The following ANK2 variants were observed in gnomAD, a reference collection of about 807,000 sequenced individuals.
The protein encoded by ANK2 is ankyrin 2.
In ANK2, 83 loss-of-function variants were observed where a neutral mutation model predicts 360.5. The observed-to-expected ratio is 0.23, with a 90% CI of 0.19 to 0.28. The LOEUF is 0.28. ANK2 is among the 10% of genes least tolerant of loss of function. ANK2 has a pLI of 1.00. For missense variants in ANK2, 4,201 were observed against 4,795.7 expected (o/e 0.88, Z 3.66); for synonymous variants, 1,740 against 1,759.5 (o/e 0.99, Z 0.28).
chr4:113,214,078 C>T (rs1448949966), intron 4 of ANK2: 3 of 773,200 alleles, frequency 3.9e-6, no homozygotes, highest in Non-Finnish European at 4.3e-6. Flanking sequence ...CGTGGGGCAG[C>T]ACCCGCAGGT....
chr4:112,935,060 G>A (rs1164977465), intron 2 of ANK2, among the ~76,000 whole-genome samples: 1 of 151,938 alleles, frequency 6.6e-6, no homozygotes, highest in Non-Finnish European at 1.5e-5. Flanking sequence ...GAGCACCAAA[G>A]CATTCACTGT....
chr4:113,141,137 T>C (rs574687084), intron 1 of ANK2: 4 of 152,306 alleles, frequency 2.6e-5, no homozygotes, highest in South Asian at 2.1e-4. Flanking sequence ...TAGTTTACAA[T>C]TGTGACATGT....
At chr4:113,326,082 C>T (rs1355423976) in intron 26 of ANK2, among the ~76,000 whole-genome samples, 1 of 152,186 alleles carries the variant, frequency 6.6e-6, no homozygotes, top group Non-Finnish European at 1.5e-5. Flanking sequence ...TCTCGCGACT[C>T]ACACCTTCTA....
intron 1 of ANK2, among the ~76,000 whole-genome samples, chr4:113,167,730 T>A (rs1022898264): frequency 6.6e-6 from 1 of 152,200 alleles, no homozygotes; most frequent in Non-Finnish European, 1.5e-5. Context: ...AGAACTAGAA[T>A]GTAGAATTAG....
chr4:112,925,831 A>T (rs2092465154), intron 2 of ANK2, among the ~76,000 whole-genome samples: 1 of 152,188 alleles, frequency 6.6e-6, no homozygotes, highest in Non-Finnish European at 1.5e-5. Flanking sequence ...CCACAGTTGG[A>T]TGGAACCATG....
chr4:113,217,055 C>T (rs1367965036), intron 4 of ANK2: 1 of 152,138 alleles, frequency 6.6e-6, no homozygotes, highest in Non-Finnish European at 1.5e-5. Context: ...TGAAAACTTA[C>T]CTTCATTTAA....
At position 112,890,556 on chromosome 4, in the gene ANK2, G is replaced by GTTTTTTTT. The variant is rs754680934; in HGVS notation, c.-39-13878_-39-13871dup. ...GGAATTTATGATATACATTTCTGTG[G>GTTTTTTTT]TTTTTTTTTTTTTTTTTTTTTTTTT... On this transcript the variant is annotated intron_variant, in intron 1 of 30. Coordinates refer to the ANK2 transcript ENST00000503271. Among the ~76,000 whole-genome samples the GTTTTTTTT allele has an allele frequency of 1.9e-3, 126 of 67,470 alleles. 13 individuals carry two copies. The highest frequency in any genetic ancestry group is 2.9e-3 in the African/African-American group (41 of 13,950). The allele number at this position is 67,470 out of a possible 152,430, so 44.3% of individuals were successfully genotyped here. A position where few individuals can be genotyped will look rare whatever the true frequency, so the allele number is the denominator to read the frequency against.
At chr4:113,018,202 A>G (rs1217947028) in intron 2 of ANK2, among the ~76,000 whole-genome samples, 1 of 152,236 alleles carries the variant, frequency 6.6e-6, no homozygotes, top group African/African-American at 2.4e-5. Flanking sequence ...AATTAATGAT[A>G]TAAAACACAG....
chr4:113,377,535 T>C (rs1050135116), intron 45 of ANK2, among the ~76,000 whole-genome samples: 6 of 152,234 alleles, frequency 3.9e-5, no homozygotes, highest in Admixed American at 2.0e-4. Flanking sequence ...ATCCTGGGCA[T>C]GTGCAAACAT....
intron 2 of ANK2, among the ~76,000 whole-genome samples, chr4:113,175,475 C>A (rs2098158387): frequency 6.6e-6 from 1 of 152,128 alleles, no homozygotes; most frequent in South Asian, 2.1e-4. Flanking sequence ...CGTTCCTCAT[C>A]TTTCCCCCTC....
At chr4:113,288,534 G>A in intron 20 of ANK2, 48 bp downstream of exon 20, 1 of 1,510,474 alleles carries the variant, frequency 6.6e-7, no homozygotes, top group South Asian at 1.1e-5. Context: ...AAAAGGTTCA[G>A]CCATCTGGAT....
At chr4:112,739,537 C>T in the ANK2 span, among the ~76,000 whole-genome samples, 6 of 152,106 alleles carry the variant, frequency 3.9e-5, no homozygotes, top group South Asian at 2.1e-4. Flanking sequence ...TCACTTGAAC[C>T]GGGGAGGCGG....
intron 1 of ANK2, among the ~76,000 whole-genome samples, chr4:112,887,049 C>T (rs1560956222): frequency 1.3e-5 from 2 of 152,104 alleles, no homozygotes; most frequent in African/African-American, 4.8e-5. Context: ...CCCTGAATTC[C>T]TCCAATATGA....
chr4:113,237,256 G>A, intron 6 of ANK2, 84 bp downstream of exon 6: 1 of 1,461,126 alleles, frequency 6.8e-7, no homozygotes. Flanking sequence ...GTAGGCCATG[G>A]TGATAATGCA....
intron 2 of ANK2, among the ~76,000 whole-genome samples, chr4:112,915,536 AGTCCAGGAG>A: frequency 6.6e-6 from 1 of 152,038 alleles, no homozygotes; most frequent in East Asian, 1.9e-4. Context: ...GGATCACTTG[AGTCCAGGAG>A]TTCAACACCA....
the ANK2 span, among the ~76,000 whole-genome samples, chr4:112,732,909 G>A: frequency 2.0e-5 from 3 of 151,036 alleles, no homozygotes; most frequent in African/African-American, 4.9e-5. Context: ...GTGAAACCCC[G>A]TCTCTACTAA....
At chr4:113,061,527 G>T (rs537829802) in intron 1 of ANK2, among the ~76,000 whole-genome samples, 1 of 152,096 alleles carries the variant, frequency 6.6e-6, no homozygotes, top group African/African-American at 2.4e-5. Flanking sequence ...GATAATTTTT[G>T]TAGGTTGCTT....
At chr4:112,710,065 C>A in the ANK2 span, among the ~76,000 whole-genome samples, 1 of 152,102 alleles carries the variant, frequency 6.6e-6, no homozygotes, top group African/African-American at 2.4e-5. Context: ...TGGTGCTGAG[C>A]GAGGCATAGT....
intron 4 of ANK2, among the ~76,000 whole-genome samples, chr4:113,201,578 G>T (rs930586277): frequency 6.6e-6 from 1 of 152,170 alleles, no homozygotes; most frequent in Non-Finnish European, 1.5e-5. Context: ...AGGTTCTCCT[G>T]ACTTTGACAG....
Sources: gnomAD v4.1 joint callset for allele counts (sites outside exome capture counted in the v4.1 genomes callset) on GRCh38, gnomAD v4.1.1 for gene constraint, MANE v1.5 for transcripts, NCBI Gene and HGNC (gene_info 2026-07-23, HGNC 2026-07-21) for gene names.